SMIM13: variants seen among roughly 807,000 people sequenced by gnomAD.
SMIM13 encodes small integral membrane protein 13.
Under a neutral mutation model 5.9 loss-of-function variants are expected in SMIM13, and 3 were observed. The ratio of observed to expected loss-of-function variants is 0.51; its 90% CI spans 0.23 to 1.31. The LOEUF (loss-of-function observed/expected upper bound fraction) is 1.31. Ranked by LOEUF, SMIM13 falls within the 40% of genes most tolerant of loss-of-function variation. The pLI is 0.18. For synonymous variants in SMIM13, 55 were observed against 46.0 expected, an observed-to-expected ratio of 1.19 and a Z score of -0.79; for missense variants, 85 against 109.9, an observed-to-expected ratio of 0.77 and a Z score of 1.01.
chr6:11,100,022 C>T (rs565604356), intron 1 of SMIM13, among the ~76,000 whole-genome samples: 1 of 152,122 alleles, frequency 6.6e-6, no homozygotes, highest in Non-Finnish European at 1.5e-5. Flanking sequence ...TTTTAGCTTA[C>T]CTAGTATTAC....
chr6:11,137,586 A>G lies in SMIM13; in HGVS notation c.*2984A>G, dbSNP rs1758531778. ...AAAGGATGATGGTGATCAGCATGCCATCTTTTGAAGATTAATTCTAAAATT... is the reference window on the plus strand; with the variant it reads ...AAAGGATGATGGTGATCAGCATGCCGTCTTTTGAAGATTAATTCTAAAATT... On this transcript the variant is annotated 3_prime_UTR_variant, in exon 2 of 2. Coordinates refer to ENST00000416247, the MANE Select transcript of SMIM13 (RefSeq NM_001135575.2). 1.3e-5 allele frequency: 2 copies of G among 152,188 alleles called. No homozygotes were observed. The highest frequency in any genetic ancestry group is 4.1e-4 in the South Asian group (2 of 4,836). The allele number at this position is 152,188 out of a possible 1,614,324, so 9.4% of individuals were successfully genotyped here.
chr6:11,112,631 T>C (rs1758185165), intron 1 of SMIM13, among the ~76,000 whole-genome samples: 1 of 152,234 alleles, frequency 6.6e-6, no homozygotes, highest in African/African-American at 2.4e-5. Flanking sequence ...GTTTGACTTC[T>C]TTCTGCTAGC....
At chr6:11,108,409 G>T (rs75687634) in intron 1 of SMIM13, among the ~76,000 whole-genome samples, 2,275 of 152,302 alleles carry the variant, frequency 0.015, 51 homozygotes, top group African/African-American at 0.05. Context: ...GGAGCTGAAG[G>T]TCATCCAGTT....
rs1386593931 is a variant in SMIM13 at position 11,134,845 on chromosome 6, T to G, written c.*243T>G. The G allele has an allele frequency of 3.3e-6, 1 of 300,652 alleles. No homozygotes were observed. Among genetic ancestry groups the G allele is most frequent in the East Asian group, 5.6e-5 (1 of 17,896 alleles). 18.6% of individuals were successfully genotyped at this position (300,652 alleles called of 1,614,324 possible). On this transcript the variant is annotated 3_prime_UTR_variant, in exon 2 of 2. Transcript: ENST00000416247. Reference sequence around the variant, plus strand: ...CTACTTATACACTTATTCCTTGGCTTTTGGGCTTATTTTCTTGCACTGGTG... The same window carrying G: ...CTACTTATACACTTATTCCTTGGCTGTTGGGCTTATTTTCTTGCACTGGTG...
chr6:11,103,850 T>TGTAAGGGGAA, intron 1 of SMIM13: 1 of 1,551,684 alleles, frequency 6.4e-7, no homozygotes, highest in Non-Finnish European at 8.7e-7. Flanking sequence ...CAAGTGGGCC[T>TGTAAGGGGAA]GTAAGGGGAA....
intron 1 of SMIM13, among the ~76,000 whole-genome samples, chr6:11,102,257 GAATT>G (rs1758004618): frequency 6.6e-6 from 1 of 152,046 alleles, no homozygotes; most frequent in Non-Finnish European, 1.5e-5. Context: ...GGATATATAT[GAATT>G]AATTGACTTT....
intron 1 of SMIM13, among the ~76,000 whole-genome samples, chr6:11,118,936 A>G (rs1758276471): frequency 6.6e-6 from 1 of 152,238 alleles, no homozygotes; most frequent in Non-Finnish European, 1.5e-5. Context: ...GAAGTCGGAA[A>G]TAAGTTACTG....
At chr6:11,109,139 C>T (rs1176279766) in intron 1 of SMIM13, among the ~76,000 whole-genome samples, 1 of 152,238 alleles carries the variant, frequency 6.6e-6, no homozygotes, top group Non-Finnish European at 1.5e-5. Flanking sequence ...GTTGGACCGC[C>T]ACCATAATGG....
At position 11,094,307 on chromosome 6, in the gene SMIM13, C is replaced by T; in HGVS notation, c.-7C>T. 1 of 1,482,772 alleles carries T rather than the reference C, an allele frequency of 6.7e-7. No individual in the cohort carries two copies. The highest frequency in any genetic ancestry group is 9.0e-7 in the Non-Finnish European group (1 of 1,113,186). 91.9% of individuals were successfully genotyped at this position (1,482,772 alleles called of 1,614,324 possible). On this transcript the variant is annotated 5_prime_UTR_variant, in exon 1 of 2. Coordinates refer to ENST00000416247, the MANE Select transcript of SMIM13 (RefSeq NM_001135575.2). ...CGCCCCGAGCCGACTGCCCTTCTGC[C>T]CCCAAGATGTGGCACAGCGTCGGGC...
At chr6:11,098,472 GC>G (rs1401759989) in intron 1 of SMIM13, among the ~76,000 whole-genome samples, 1 of 152,166 alleles carries the variant, frequency 6.6e-6, no homozygotes, top group Admixed American at 6.5e-5. Context: ...TGCTCTTGTT[GC>G]CCAGGCTGGA....
chr6:11,122,868 G>C (rs1022143772), intron 1 of SMIM13, among the ~76,000 whole-genome samples: 48 of 151,946 alleles, frequency 3.2e-4, no homozygotes, highest in African/African-American at 1.0e-3. Context: ...CATTACTGGG[G>C]ATCTTTTTCC....
chr6:11,116,189 T>C (rs1167472420), intron 1 of SMIM13, among the ~76,000 whole-genome samples: 1 of 151,986 alleles, frequency 6.6e-6, no homozygotes, highest in Non-Finnish European at 1.5e-5. Context: ...AGCTAATTTT[T>C]GTATTTTTTG....
chr6:11,107,041 C>G (rs1175569170), intron 1 of SMIM13, among the ~76,000 whole-genome samples: 1 of 152,176 alleles, frequency 6.6e-6, no homozygotes, highest in Non-Finnish European at 1.5e-5. Flanking sequence ...GCTTTAACCT[C>G]TGTAATTTGT....
intron 1 of SMIM13, chr6:11,104,811 C>T (rs140934168): frequency 7.4e-6 from 12 of 1,614,060 alleles, no homozygotes; most frequent in Non-Finnish European, 9.3e-6. Context: ...TGGTTGATGG[C>T]GGAATTGGTT....
chr6:11,124,751 CATTTCTCTGATGATCAGTGAT>C, intron 1 of SMIM13, among the ~76,000 whole-genome samples: 1 of 152,240 alleles, frequency 6.6e-6, no homozygotes, highest in Non-Finnish European at 1.5e-5. Flanking sequence ...TTTCGTTTTG[CATTTCTCTGATGATCAGTGAT>C]GTTGAGCACC....
chr6:11,110,702 T>C (rs1581914800), intron 1 of SMIM13, among the ~76,000 whole-genome samples: 2 of 152,322 alleles, frequency 1.3e-5, no homozygotes, highest in East Asian at 1.9e-4. Flanking sequence ...GGAATACTCA[T>C]GGAAAGCCTT....
rs1203597043 is a variant in SMIM13 at position 11,094,257 on chromosome 6, C to A, written c.-57C>A. Reference sequence around the variant, plus strand: ...CTGAAGCGCAGGACGCGCCGCCGCCCGCGCTCACCGCCGTCCGCGCCAGCC... The same window carrying A: ...CTGAAGCGCAGGACGCGCCGCCGCCAGCGCTCACCGCCGTCCGCGCCAGCC... On this transcript the variant is annotated 5_prime_UTR_variant, in exon 1 of 2. Transcript: ENST00000416247. The A allele has an allele frequency of 2.7e-5, 31 of 1,140,526 alleles. No homozygotes were observed. The highest frequency in any genetic ancestry group is 3.2e-5 in the Non-Finnish European group (28 of 883,538). The allele number at this position is 1,140,526 out of a possible 1,614,324, so 70.7% of individuals were successfully genotyped here.
At chr6:11,114,136 C>T (rs1236829019) in intron 1 of SMIM13, among the ~76,000 whole-genome samples, 4 of 151,004 alleles carry the variant, frequency 2.6e-5, no homozygotes, top group South Asian at 2.1e-4. Context: ...CGCGCCACCA[C>T]GCCTGGCTGA....
rs1702272696 is a variant in SMIM13 at position 11,094,296 on chromosome 6, TG to T, written c.-17del. On this transcript the variant is annotated 5_prime_UTR_variant, in exon 1 of 2. Transcript: ENST00000416247. ...TCCGCGCCAGCCGCCCCGAGCCGAC[TG>T]CCCTTCTGCCCCCAAGATGTGGCAC... The T allele has an allele frequency of 7.0e-7, 1 of 1,435,278 alleles. No homozygotes were observed. The highest frequency in any genetic ancestry group is 9.2e-7 in the Non-Finnish European group (1 of 1,086,582). The allele number at this position is 1,435,278 out of a possible 1,614,324, so 88.9% of individuals were successfully genotyped here. A position where few individuals can be genotyped will look rare whatever the true frequency, so the allele number is the denominator to read the frequency against.
Sources: allele counts gnomAD v4.1 joint callset (sites outside exome capture counted in the v4.1 genomes callset), GRCh38; gene constraint gnomAD v4.1.1; transcripts MANE v1.5; gene names NCBI Gene and HGNC (gene_info 2026-07-23, HGNC 2026-07-21).